PDE4D: variants seen among roughly 807,000 people sequenced by gnomAD.
PDE4D encodes 3',5'-cyclic-AMP phosphodiesterase 4D.
Under a neutral mutation model 87.4 loss-of-function variants are expected in PDE4D, and 24 were observed. The observed-to-expected ratio is 0.27, with a 90% CI of 0.20 to 0.39. PDE4D has a LOEUF of 0.39. Ranked by LOEUF, PDE4D falls within the 10% of genes least tolerant of loss-of-function variation. The pLI, the probability that PDE4D is intolerant of heterozygous loss-of-function variation, is 1.00. For missense variants in PDE4D, 714 were observed against 1,041.0 expected, an observed-to-expected ratio of 0.69 and a Z score of 4.32; for synonymous variants, 384 against 383.2, an observed-to-expected ratio of 1.00 and a Z score of -0.02.
intron 1 of PDE4D, among the ~76,000 whole-genome samples, chr5:60,494,327 A>G (rs570109443): frequency 3.9e-5 from 6 of 152,204 alleles, no homozygotes; most frequent in African/African-American, 1.4e-4. Flanking sequence ...TGGTGCAGCT[A>G]CAGAATCCGA....
At chr5:59,035,447 A>G (rs1580434080) in intron 6 of PDE4D, among the ~76,000 whole-genome samples, 2 of 152,196 alleles carry the variant, frequency 1.3e-5, no homozygotes, top group African/African-American at 2.4e-5. Context: ...AAATCCATCA[A>G]ACTTGAAGTG....
rs115887682 is a variant in PDE4D, at chr5:58,988,242, C to T, written c.1552+251G>A. ...TCTGCACACTTTCATTTTTAATTAC[C>T]CTTGTCTAGTAACACAGCAATATAT... is the stretch of plus-strand genomic sequence containing the variant. On this transcript the variant is annotated intron_variant, in intron 11 of 14. Coordinates refer to ENST00000340635, the MANE Select transcript of PDE4D (RefSeq NM_001104631.2). Among the ~76,000 whole-genome samples, 393 of 152,066 alleles carry T rather than the reference C, an allele frequency of 2.6e-3. 3 individuals carry two copies. Among genetic ancestry groups the T allele is most frequent in the African/African-American group, 9.1e-3 (376 of 41,458 alleles).
chr5:59,296,581 A>C (rs545877052), intron 1 of PDE4D, among the ~76,000 whole-genome samples: 1 of 152,296 alleles, frequency 6.6e-6, no homozygotes, highest in South Asian at 2.1e-4. Context: ...ATTCTCTTCT[A>C]ATCTTCAAAA....
intron 1 of PDE4D, among the ~76,000 whole-genome samples, chr5:59,421,000 T>A (rs1023753188): frequency 3.9e-5 from 6 of 152,196 alleles, no homozygotes; most frequent in Non-Finnish European, 2.9e-5. Flanking sequence ...TATGTGTTTG[T>A]GTATTTCTAA....
intron 1 of PDE4D, among the ~76,000 whole-genome samples, chr5:59,660,853 A>T (rs1745131350): frequency 6.6e-6 from 1 of 152,132 alleles, no homozygotes; most frequent in African/African-American, 2.4e-5. Context: ...AATTCTGAAT[A>T]TTGCACCTAA....
At chr5:59,186,337 G>GAGT (rs1348695211) in intron 3 of PDE4D, among the ~76,000 whole-genome samples, 1 of 152,168 alleles carries the variant, frequency 6.6e-6, no homozygotes, top group African/African-American at 2.4e-5. Context: ...TTGTTGTGAG[G>GAGT]AGTATATGGA....
intron 1 of PDE4D, among the ~76,000 whole-genome samples, chr5:59,341,840 G>A (rs907191314): frequency 8.5e-5 from 13 of 152,130 alleles, no homozygotes; most frequent in Admixed American, 6.5e-5. Flanking sequence ...TATCTTTGAT[G>A]GAAAGAAATG....
chr5:59,902,073 T>C (rs1752332358), intron 3 of PDE4D, among the ~76,000 whole-genome samples: 1 of 151,828 alleles, frequency 6.6e-6, no homozygotes, highest in South Asian at 2.1e-4. Flanking sequence ...TTAGCACAAA[T>C]GTTACATCAG....
intron 5 of PDE4D, among the ~76,000 whole-genome samples, chr5:59,128,267 C>G (rs889764891): frequency 1.4e-5 from 2 of 140,692 alleles, no homozygotes; most frequent in Non-Finnish European, 3.1e-5. Flanking sequence ...TGCACCTCCT[C>G]TCCTTTTTTT....
chr5:60,437,534 C>T (rs1258294798), intron 1 of PDE4D, among the ~76,000 whole-genome samples: 1 of 152,076 alleles, frequency 6.6e-6, no homozygotes, highest in Non-Finnish European at 1.5e-5. Context: ...CTTTGGACTC[C>T]AAGGTTCTCT....
chr5:59,675,958 C>A (rs551809168), intron 1 of PDE4D, among the ~76,000 whole-genome samples: 3 of 152,230 alleles, frequency 2.0e-5, no homozygotes, highest in African/African-American at 7.2e-5. Flanking sequence ...GCCCAAAGTG[C>A]TGGGATTACA....
At position 58,969,795 on chromosome 5, in the gene PDE4D, A is replaced by G. The variant is rs1742293346; in HGVS notation, c.*4869T>C. ...TTGTCAAGTATCTGAATAATTTTCA[A>G]TATCCCAGAATATTCAATTAAGTAA... On this transcript the variant is annotated 3_prime_UTR_variant, in exon 15 of 15. Coordinates refer to ENST00000340635, the MANE Select transcript of PDE4D (RefSeq NM_001104631.2). 2 of 152,172 alleles carry G rather than the reference A, an allele frequency of 1.3e-5. No individual in the cohort carries two copies. The highest frequency in any genetic ancestry group is 6.5e-5 in the Admixed American group (1 of 15,268). 9.4% of individuals were successfully genotyped at this position (152,172 alleles called of 1,614,324 possible).
intron 3 of PDE4D, among the ~76,000 whole-genome samples, chr5:59,906,008 C>T (rs1487607025): frequency 6.6e-6 from 1 of 152,056 alleles, no homozygotes; most frequent in Non-Finnish European, 1.5e-5. Context: ...TGTTTCCTGG[C>T]AATGGAGAAG....
chr5:59,041,282 C>T (rs1478200898), intron 5 of PDE4D, among the ~76,000 whole-genome samples: 1 of 152,130 alleles, frequency 6.6e-6, no homozygotes. Context: ...AAGCATTACA[C>T]ACAAATATAG....
chr5:60,045,129 T>A (rs1769049999), intron 2 of PDE4D, among the ~76,000 whole-genome samples: 1 of 152,128 alleles, frequency 6.6e-6, no homozygotes, highest in South Asian at 2.1e-4. Flanking sequence ...TGGTGAGCAT[T>A]TTTTCATGTG....
At chr5:60,416,484 G>A (rs1219724003) in intron 1 of PDE4D, among the ~76,000 whole-genome samples, 1 of 151,972 alleles carries the variant, frequency 6.6e-6, no homozygotes, top group Admixed American at 6.5e-5. Context: ...CAAACCCACT[G>A]GGAGGAACGA....
At chr5:59,806,806 GT>G (rs1254107460) in intron 1 of PDE4D, among the ~76,000 whole-genome samples, 2 of 152,098 alleles carry the variant, frequency 1.3e-5, no homozygotes, top group Non-Finnish European at 2.9e-5. Flanking sequence ...AGCATGTGAG[GT>G]TATACATTTA....
At chr5:59,409,084 G>A (rs755783319) in intron 1 of PDE4D, among the ~76,000 whole-genome samples, 2 of 151,024 alleles carry the variant, frequency 1.3e-5, no homozygotes, top group Non-Finnish European at 2.9e-5. Flanking sequence ...GGAGGCAGAG[G>A]TTGCAGTGAG....
intron 1 of PDE4D, among the ~76,000 whole-genome samples, chr5:59,600,696 C>T (rs114556900): frequency 0.018 from 2,751 of 152,186 alleles, 79 homozygotes; most frequent in African/African-American, 0.063. Flanking sequence ...CTTCTTCTTT[C>T]CAAGTAGCTG....
Sources: gnomAD v4.1 joint callset for allele counts (sites outside exome capture counted in the v4.1 genomes callset) on GRCh38, gnomAD v4.1.1 for gene constraint, MANE v1.5 for transcripts, NCBI Gene and HGNC (gene_info 2026-07-23, HGNC 2026-07-21) for gene names.